CDH10: variants seen among roughly 807,000 people sequenced by gnomAD.
The protein encoded by CDH10 is cadherin-10.
CDH10 carries 30 observed loss-of-function variants against 73.1 expected under a neutral mutation model. The observed-to-expected ratio is 0.41, with a 90% confidence interval of 0.31 to 0.56. The LOEUF is 0.56. Among genes scored for constraint, CDH10 ranks in the 20% least tolerant of loss-of-function variants. The pLI, the probability that CDH10 is intolerant of heterozygous loss-of-function variation, is 0.27. For synonymous variants in CDH10, 345 were observed against 348.2 expected, an observed-to-expected ratio of 0.99 and a Z score of 0.10; for missense variants, 815 against 973.7, an observed-to-expected ratio of 0.84 and a Z score of 2.17.
At chr5:24,538,093 A>G (rs1387473267) in intron 2 of CDH10, among the ~76,000 whole-genome samples, 1 of 152,064 alleles carries the variant, frequency 6.6e-6, no homozygotes, top group Non-Finnish European at 1.5e-5. Context: ...ACTTGTTATT[A>G]GCTATCATAT....
At chr5:24,512,242 C>T (rs1742942956) in intron 5 of CDH10, among the ~76,000 whole-genome samples, 1 of 152,154 alleles carries the variant, frequency 6.6e-6, no homozygotes, top group African/African-American at 2.4e-5. Context: ...TGAGCTCAAG[C>T]TATCTTCCCA....
At chr5:24,568,872 G>A (rs1579820451) in intron 2 of CDH10, among the ~76,000 whole-genome samples, 2 of 152,218 alleles carry the variant, frequency 1.3e-5, no homozygotes, top group South Asian at 4.1e-4. Flanking sequence ...AGCACTTTGG[G>A]AGGCTAAGGT....
chr5:24,528,182 A>G (rs1221267862), intron 5 of CDH10, among the ~76,000 whole-genome samples: 1 of 151,674 alleles, frequency 6.6e-6, no homozygotes, highest in African/African-American at 2.4e-5. Flanking sequence ...AATGAACATA[A>G]ATCGTAGAAC....
Position 24,569,179 on chromosome 5 carries a change from CTTA to C in CDH10, c.231+24078_231+24080del, listed in dbSNP as rs1399774539. ...TAAATCTTGAAAACATATAATTCCA[CTTA>C]TATGAATTACTTAGAATAAGCAAAT... On this transcript the variant is annotated intron_variant, in intron 2 of 11. Transcript: ENST00000264463. Among the ~76,000 whole-genome samples, 3 of 151,820 alleles carry C rather than the reference CTTA, an allele frequency of 2.0e-5. No individual in the cohort carries two copies. In the East Asian group the frequency reaches 5.8e-4, roughly 29 times the overall value.
intron 2 of CDH10, among the ~76,000 whole-genome samples, chr5:24,575,249 C>A (rs1745553184): frequency 8.7e-6 from 1 of 114,300 alleles, no homozygotes; most frequent in Non-Finnish European, 2.1e-5. Context: ...GTAATCTTAG[C>A]TACTCAGGAG....
chr5:24,624,609 T>G (rs554133521), intron 1 of CDH10, among the ~76,000 whole-genome samples: 115 of 152,284 alleles, frequency 7.6e-4, no homozygotes, highest in African/African-American at 2.7e-3. Context: ...TTAAAGTAAT[T>G]TTGTAGTTTC....
intron 1 of CDH10, among the ~76,000 whole-genome samples, chr5:24,623,100 C>T (rs769889054): frequency 1.7e-4 from 26 of 152,056 alleles, no homozygotes; most frequent in Non-Finnish European, 3.8e-4. Flanking sequence ...TTCACATTTC[C>T]TTTGTGTCAT....
intron 2 of CDH10, among the ~76,000 whole-genome samples, chr5:24,562,921 A>G (rs915960105): frequency 2.0e-5 from 3 of 152,218 alleles, no homozygotes; most frequent in Non-Finnish European, 2.9e-5. Context: ...TGTCAACTTG[A>G]TGAATGATCA....
At chr5:24,589,088 AGCT>A (rs1334415865) in intron 2 of CDH10, among the ~76,000 whole-genome samples, 1 of 152,096 alleles carries the variant, frequency 6.6e-6, no homozygotes, top group African/African-American at 2.4e-5. Context: ...TTGAGCAGAG[AGCT>A]TATATTTTCC....
chr5:24,570,671 T>C (rs1745344272), intron 2 of CDH10, among the ~76,000 whole-genome samples: 1 of 152,098 alleles, frequency 6.6e-6, no homozygotes, highest in Admixed American at 6.6e-5. Context: ...TGTGTATATA[T>C]ATATACTAGA....
chr5:24,488,122 T>C lies in CDH10; in HGVS notation c.1908A>G (p.Arg636=). ...AGATCAGAGGCTCTTTTTTTCGCTG[T>C]CTTTTCAGAGCTGCAAACAGTACTA... is the stretch of plus-strand genomic sequence containing the variant. ...VIVVLFAALK[R]QRKKEPLILS... The change falls in exon 12 of 12, where the codon AGA becomes AGG. Residue 636 remains arginine (R), a synonymous_variant. Transcript: ENST00000264463. 1 of 1,612,446 alleles carries C rather than the reference T, an allele frequency of 6.2e-7. No individual in the cohort carries two copies. The highest frequency in any genetic ancestry group is 2.2e-5 in the East Asian group (1 of 44,866).
chr5:24,643,803 T>C (rs1748131507), intron 1 of CDH10, among the ~76,000 whole-genome samples: 2 of 152,192 alleles, frequency 1.3e-5, no homozygotes, highest in Non-Finnish European at 2.9e-5. Flanking sequence ...CTTTTGCCCA[T>C]AGTTACAGTG....
intron 1 of CDH10, among the ~76,000 whole-genome samples, chr5:24,632,513 G>T (rs1747736727): frequency 6.6e-6 from 1 of 152,102 alleles, no homozygotes; most frequent in Non-Finnish European, 1.5e-5. Flanking sequence ...TTGACAGAAG[G>T]AGCATGGTTT....
chr5:24,624,559 A>G (rs1161771807), intron 1 of CDH10, among the ~76,000 whole-genome samples: 1 of 152,130 alleles, frequency 6.6e-6, no homozygotes, highest in Non-Finnish European at 1.5e-5. Flanking sequence ...AAATGACTTC[A>G]TTTTGTTTCT....
intron 9 of CDH10, among the ~76,000 whole-genome samples, chr5:24,497,729 T>A (rs940783322): frequency 6.6e-6 from 1 of 152,194 alleles, no homozygotes; most frequent in Non-Finnish European, 1.5e-5. Context: ...TCTGTGAAGA[T>A]AGCACTCAAA....
chr5:24,575,352 C>CAAAAAAAAAAAAAAAAAAA (rs1388761427), intron 2 of CDH10, among the ~76,000 whole-genome samples: 1 of 47,200 alleles, frequency 2.1e-5, no homozygotes, highest in Non-Finnish European at 3.9e-5. Flanking sequence ...ACAACAAAAA[C>CAAAAAAAAAAAAAAAAAAA]AACAAAAAAA....
At chr5:24,625,583 A>G (rs909844459) in intron 1 of CDH10, among the ~76,000 whole-genome samples, 3 of 142,612 alleles carry the variant, frequency 2.1e-5, no homozygotes, top group Non-Finnish European at 3.1e-5. Context: ...ACATATATTC[A>G]TATATATGAA....
Position 24,498,412 on chromosome 5 carries a change from C to T in CDH10, c.1501G>A (p.Ala501Thr), listed in dbSNP as rs2111683145. ...VFYDTFVCEN[A>T]RPGQLIQTIS... ...TAGGGGCTTACCTGCCCTGGTCTGG[C>T]ATTTTCACATACAAAAGTGTCATAG... The change falls in exon 9 of 12, where the codon GCC becomes ACC. Residue 501 changes from alanine to threonine, a missense_variant. This residue lies in a region of CDH10 where 516 missense variants were observed against 636.6 expected (regional missense o/e 0.81). Coordinates refer to ENST00000264463, the MANE Select transcript of CDH10 (RefSeq NM_006727.5). The T allele has an allele frequency of 1.2e-6, 2 of 1,605,896 alleles. No individual in the cohort carries two copies. Among genetic ancestry groups the T allele is most frequent in the Non-Finnish European group, 1.7e-6 (2 of 1,172,998 alleles).
intron 1 of CDH10, among the ~76,000 whole-genome samples, chr5:24,601,238 C>G (rs1446333031): frequency 6.6e-6 from 1 of 152,000 alleles, no homozygotes; most frequent in East Asian, 1.9e-4. Context: ...CTTTTGTATC[C>G]AGCTTTGGAA....
Sources: allele counts gnomAD v4.1 joint callset (sites outside exome capture counted in the v4.1 genomes callset), GRCh38; gene constraint gnomAD v4.1.1; regional missense constraint gnomAD v4.1.1; transcripts MANE v1.5; gene names NCBI Gene and HGNC (gene_info 2026-07-23, HGNC 2026-07-21).